Variants in ATP13A3 observed in about 807,000 individuals in gnomAD.
ATP13A3 encodes polyamine-transporting ATPase 13A3.
In ATP13A3, 59 loss-of-function variants were observed where a neutral mutation model predicts 158.1. The observed-to-expected ratio is 0.37, with a 90% confidence interval of 0.30 to 0.46. The LOEUF (loss-of-function observed/expected upper bound fraction) is 0.46. ATP13A3 is among the 20% of genes least tolerant of loss of function. The pLI, the probability that ATP13A3 is intolerant of heterozygous loss-of-function variation, is 1.00. For missense variants in ATP13A3, 1,166 were observed against 1,525.2 expected (o/e 0.76, Z 3.92); for synonymous variants, 491 against 504.3 (o/e 0.97, Z 0.35).
Position 194,428,231 on chromosome 3 carries a change from A to AAG in ATP13A3, c.2947+613_2947+614insCT, listed in dbSNP as rs1553797771. Among the ~76,000 whole-genome samples the AAG allele has an allele frequency of 3.0e-4, 43 of 141,818 alleles. 1 individual carries two copies. The highest frequency in any genetic ancestry group is 1.2e-3 in the African/African-American group (42 of 35,778). 93.0% of individuals were successfully genotyped at this position (141,818 alleles called of 152,430 possible). On this transcript the variant is annotated intron_variant, in intron 28 of 33. Transcript: ENST00000645319. ...GACAGACTCTGTCTCAAAAAAAAAA[A>AAG]AAAAAAGAAAAAAAGAAATTTCTAT...
chr3:194,409,468 G>A (rs910990959), intron 33 of ATP13A3, among the ~76,000 whole-genome samples: 8 of 152,114 alleles, frequency 5.3e-5, no homozygotes, highest in African/African-American at 1.7e-4. Flanking sequence ...ATTACAGGTA[G>A]TATGATTCTA....
At chr3:194,456,018 C>T (rs144879750) in intron 7 of ATP13A3, 56 bp from the exon 8 acceptor site, 54 of 1,125,866 alleles carry the variant, frequency 4.8e-5, no homozygotes, top group Non-Finnish European at 6.4e-5. Flanking sequence ...GTATAATTTA[C>T]GAAAGGCATT....
At chr3:194,416,382 C>T (rs563116852) in intron 31 of ATP13A3, among the ~76,000 whole-genome samples, 22 of 151,930 alleles carry the variant, frequency 1.4e-4, no homozygotes, top group East Asian at 1.4e-3. Context: ...TGCTTGAACC[C>T]GGGAGGTGGA....
chr3:194,419,620 A>T (rs1474896173), intron 31 of ATP13A3, among the ~76,000 whole-genome samples: 2 of 152,142 alleles, frequency 1.3e-5, no homozygotes, highest in African/African-American at 2.4e-5. Flanking sequence ...AGGTACCAGG[A>T]TCAACGTTTT....
At chr3:194,418,969 T>C (rs1716093252) in intron 31 of ATP13A3, among the ~76,000 whole-genome samples, 1 of 152,104 alleles carries the variant, frequency 6.6e-6, no homozygotes, top group Admixed American at 6.5e-5. Context: ...GATAAACCAC[T>C]CCTACTCCAC....
chr3:194,454,818 C>T (rs1468657120), intron 8 of ATP13A3, among the ~76,000 whole-genome samples: 2 of 146,346 alleles, frequency 1.4e-5, no homozygotes, highest in African/African-American at 5.1e-5. Flanking sequence ...AGCGAGACTC[C>T]GTCTCAAAAA....
intron 2 of ATP13A3, among the ~76,000 whole-genome samples, chr3:194,476,662 C>T (rs1043727569): frequency 1.3e-5 from 2 of 152,128 alleles, no homozygotes; most frequent in Admixed American, 1.3e-4. Context: ...CTGTATGCAG[C>T]CAGATATGAC....
At chr3:194,432,603 G>A (rs1411885378) in intron 21 of ATP13A3, among the ~76,000 whole-genome samples, 3 of 152,156 alleles carry the variant, frequency 2.0e-5, no homozygotes, top group East Asian at 1.9e-4. Flanking sequence ...AGAGGAGGAC[G>A]AGGAACAGGT....
Position 194,405,419 on chromosome 3 carries a change from C to T in ATP13A3, c.*500G>A, listed in dbSNP as rs566991551. 4.0e-4 allele frequency: 63 copies of T among 155,682 alleles called. No individual in the cohort carries two copies. Among genetic ancestry groups the T allele is most frequent in the Admixed American group, 6.9e-4 (11 of 15,852 alleles). The allele number at this position is 155,682 out of a possible 1,614,324, so 9.6% of individuals were successfully genotyped here. On this transcript the variant is annotated 3_prime_UTR_variant, in exon 34 of 34. Coordinates refer to ENST00000645319, the MANE Select transcript of ATP13A3 (RefSeq NM_001367549.1). ...TTTATACAGAATTCTTTGGAAGAAA[C>T]ATTGGAATCAAATGAAAACAGGCTT...
chr3:194,427,335 C>T (rs1434772414), intron 28 of ATP13A3, 83 bp from the exon 29 acceptor site: 2 of 1,297,146 alleles, frequency 1.5e-6, no homozygotes, highest in Admixed American at 3.2e-5. Flanking sequence ...CATTTAGGAA[C>T]TTTAAAAATT....
At chr3:194,454,695 G>A (rs573418285) in intron 8 of ATP13A3, among the ~76,000 whole-genome samples, 47 of 152,250 alleles carry the variant, frequency 3.1e-4, no homozygotes, top group African/African-American at 1.1e-3. Context: ...TGGGCATGGT[G>A]GCAGGCGCCT....
chr3:194,453,565 C>A (rs763762552), intron 10 of ATP13A3, 141 bp downstream of exon 10: 4 of 675,646 alleles, frequency 5.9e-6, no homozygotes, highest in Non-Finnish European at 9.8e-6. Flanking sequence ...TGCCTTTGCA[C>A]TCCAGCCTAA....
intron 22 of ATP13A3, 55 bp from the exon 23 acceptor site, chr3:194,431,281 A>G: frequency 5.9e-6 from 9 of 1,514,784 alleles, no homozygotes; most frequent in Non-Finnish European, 8.1e-6. Flanking sequence ...AAGTAAAACA[A>G]TTCTATTTTA....
chr3:194,415,700 C>G (rs955327040), intron 31 of ATP13A3, among the ~76,000 whole-genome samples: 1 of 118,656 alleles, frequency 8.4e-6, no homozygotes. Flanking sequence ...GACGGAGTCT[C>G]GCCCTGTCGC....
chr3:194,430,629 A>T (rs1201754305), intron 24 of ATP13A3, among the ~76,000 whole-genome samples: 2 of 152,202 alleles, frequency 1.3e-5, no homozygotes, highest in Non-Finnish European at 2.9e-5. Flanking sequence ...TTTTAACGTT[A>T]TCAGTAAAAA....
At chr3:194,447,393 G>A (rs1267818081) in intron 13 of ATP13A3, among the ~76,000 whole-genome samples, 1 of 152,056 alleles carries the variant, frequency 6.6e-6, no homozygotes, top group East Asian at 1.9e-4. Flanking sequence ...ACACTTCAAA[G>A]CCGGTCAACA....
chr3:194,483,061 C>T (rs1314089384), intron 2 of ATP13A3, among the ~76,000 whole-genome samples: 3 of 150,718 alleles, frequency 2.0e-5, no homozygotes, highest in Admixed American at 6.6e-5. Flanking sequence ...GAGCGGAGAT[C>T]GCGCCTCTGC....
At position 194,409,693 on chromosome 3, in the gene ATP13A3, ATTTTTTTTT is replaced by A. The variant is rs71179358; in HGVS notation, c.3573+2497_3573+2505del. Among the ~76,000 whole-genome samples the A allele has an allele frequency of 1.0e-3, 97 of 93,996 alleles. 2 individuals are homozygous for A. Among genetic ancestry groups the A allele is most frequent in the African/African-American group, 4.4e-3 (89 of 20,352 alleles). 61.7% of individuals were successfully genotyped at this position (93,996 alleles called of 152,430 possible). On this transcript the variant is annotated intron_variant, in intron 33 of 33. Coordinates refer to ENST00000645319, the MANE Select transcript of ATP13A3 (RefSeq NM_001367549.1). ...TGCTTGATAATCACTGACGTAAAGA[ATTTTTTTTT>A]TTTTTTTTTTTTTTTTTTGGTCAGA... is the stretch of plus-strand genomic sequence containing the variant.
chr3:194,424,793 TA>T (rs1716635724), intron 30 of ATP13A3, among the ~76,000 whole-genome samples: 1 of 152,186 alleles, frequency 6.6e-6, no homozygotes, highest in Admixed American at 6.5e-5. Flanking sequence ...CCATTCAGTA[TA>T]CTGGCCCTTT....
Sources: gnomAD v4.1 joint callset for allele counts (sites outside exome capture counted in the v4.1 genomes callset) on GRCh38, gnomAD v4.1.1 for gene constraint, MANE v1.5 for transcripts, NCBI Gene and HGNC (gene_info 2026-07-23, HGNC 2026-07-21) for gene names.